The following ERC1 variants were observed in gnomAD, a reference collection of about 807,000 sequenced individuals.
ERC1 encodes RAB6 interacting protein 2.
ERC1 carries 56 observed loss-of-function variants against 132.0 expected under a neutral mutation model. The observed-to-expected ratio is 0.42, with a 90% CI of 0.34 to 0.53. ERC1 has a LOEUF of 0.53. Among genes scored for constraint, ERC1 ranks in the 20% least tolerant of loss-of-function variants. The pLI is 0.03. For missense variants in ERC1, 1,202 were observed against 1,349.9 expected (o/e 0.89, Z 1.72); for synonymous variants, 478 against 476.1 (o/e 1.00, Z -0.05).
chr12:1,238,159 T>TC (rs1446201370), intron 13 of ERC1, among the ~76,000 whole-genome samples: 44 of 126,244 alleles, frequency 3.5e-4, no homozygotes, highest in Non-Finnish European at 6.1e-4. Context: ...CTGTTCTTCC[T>TC]CCTTTTTTTT....
intron 3 of ERC1, among the ~76,000 whole-genome samples, chr12:1,091,699 C>T (rs1235614033): frequency 6.6e-6 from 1 of 152,196 alleles, no homozygotes; most frequent in Non-Finnish European, 1.5e-5. Flanking sequence ...GAAAACCATT[C>T]CACCGTTGAA....
intron 8 of ERC1, among the ~76,000 whole-genome samples, chr12:1,157,772 A>G (rs1156784208): frequency 6.6e-6 from 1 of 152,196 alleles, no homozygotes; most frequent in Non-Finnish European, 1.5e-5. Context: ...CAGATTTTTC[A>G]AATACTGCTG....
chr12:1,261,286 G>A (rs915652234), intron 13 of ERC1, among the ~76,000 whole-genome samples: 9 of 152,150 alleles, frequency 5.9e-5, no homozygotes, highest in Non-Finnish European at 1.2e-4. Flanking sequence ...AGGATAGACC[G>A]CACAAAGACA....
At chr12:1,065,635 G>A (rs543577001) in intron 2 of ERC1, among the ~76,000 whole-genome samples, 1 of 151,518 alleles carries the variant, frequency 6.6e-6, no homozygotes, top group East Asian at 1.9e-4. Context: ...AATTAATTGA[G>A]TTTCTTTTGA....
intron 18 of ERC1, among the ~76,000 whole-genome samples, chr12:1,447,303 A>T (rs1236805523): frequency 6.6e-6 from 1 of 152,084 alleles, no homozygotes; most frequent in Non-Finnish European, 1.5e-5. Flanking sequence ...GAATCCCTTG[A>T]GCCCAGGAGT....
chr12:1,117,009 G>A (rs779526311), intron 7 of ERC1, among the ~76,000 whole-genome samples: 1 of 152,134 alleles, frequency 6.6e-6, no homozygotes, highest in Non-Finnish European at 1.5e-5. Context: ...ATCCCAGATC[G>A]ATTCTTATCT....
At chr12:1,111,176 C>T (rs933073050) in intron 5 of ERC1, among the ~76,000 whole-genome samples, 1 of 152,096 alleles carries the variant, frequency 6.6e-6, no homozygotes, top group Non-Finnish European at 1.5e-5. Flanking sequence ...TTGATACCAC[C>T]AAGACCTATC....
chr12:1,480,890 A>G (rs2094076789), intron 18 of ERC1: 1 of 702,420 alleles, frequency 1.4e-6, no homozygotes, highest in Non-Finnish European at 2.6e-6. Flanking sequence ...TTTTCATGTG[A>G]TGCTCATGGT....
intron 3 of ERC1, among the ~76,000 whole-genome samples, chr12:1,101,951 ATAAAGTTACTCTGTGGAT>A (rs1944713041): frequency 6.6e-6 from 1 of 152,186 alleles, no homozygotes; most frequent in South Asian, 2.1e-4. Flanking sequence ...TCTAATTCGC[ATAAAGTTACTCTGTGGAT>A]TAGTGAAGGC....
At chr12:1,330,841 TTC>T (rs528934602) in intron 15 of ERC1, among the ~76,000 whole-genome samples, 54 of 152,340 alleles carry the variant, frequency 3.5e-4, no homozygotes, top group African/African-American at 1.2e-3. Flanking sequence ...TTAATTTATC[TTC>T]TCTTTTTTAT....
intron 15 of ERC1, among the ~76,000 whole-genome samples, chr12:1,304,779 CTTTTTTTTT>C (rs1186965322): frequency 0.021 from 1,481 of 69,972 alleles, 21 homozygotes; most frequent in African/African-American, 0.068. Flanking sequence ...TGTTGTAACT[CTTTTTTTTT>C]TTTTTTTTTT....
chr12:1,122,920 A>T (rs1947742183), intron 7 of ERC1, among the ~76,000 whole-genome samples: 1 of 152,040 alleles, frequency 6.6e-6, no homozygotes, highest in South Asian at 2.1e-4. Context: ...CCCTTTCAGC[A>T]TCCTCTCTAT....
chr12:1,401,155 C>G (rs1030075881), intron 16 of ERC1, among the ~76,000 whole-genome samples: 2 of 151,702 alleles, frequency 1.3e-5, no homozygotes, highest in African/African-American at 4.8e-5. Flanking sequence ...AGGATGGTCT[C>G]CATCTCCTGA....
chr12:1,426,450 C>G (rs748914019), intron 17 of ERC1, among the ~76,000 whole-genome samples: 8 of 152,130 alleles, frequency 5.3e-5, no homozygotes, highest in Admixed American at 1.3e-4. Flanking sequence ...TCAATAGGAG[C>G]AGGGTGTAGT....
intron 8 of ERC1, among the ~76,000 whole-genome samples, chr12:1,155,422 A>T (rs974195727): frequency 2.4e-4 from 37 of 152,088 alleles, no homozygotes; most frequent in African/African-American, 8.4e-4. Flanking sequence ...GACATCTATG[A>T]TATGGAATCA....
intron 12 of ERC1, among the ~76,000 whole-genome samples, chr12:1,190,561 C>T (rs1955617200): frequency 6.6e-6 from 1 of 152,156 alleles, no homozygotes; most frequent in Non-Finnish European, 1.5e-5. Flanking sequence ...ACTTTGAGGA[C>T]AATTTAGGAG....
chr12:1,019,859 A>C (rs1966077502), intron 1 of ERC1, among the ~76,000 whole-genome samples: 1 of 151,972 alleles, frequency 6.6e-6, no homozygotes, highest in African/African-American at 2.4e-5. Context: ...TTCCTGCCTC[A>C]GCTTCCTGAG....
At chr12:1,217,006 T>C (rs1436868387) in intron 12 of ERC1, among the ~76,000 whole-genome samples, 1 of 152,194 alleles carries the variant, frequency 6.6e-6, no homozygotes, top group Non-Finnish European at 1.5e-5. Context: ...TTTGATACAG[T>C]GATAAAAATT....
chr12:1,333,128 G>T (rs1222260778), intron 15 of ERC1, among the ~76,000 whole-genome samples: 2 of 150,226 alleles, frequency 1.3e-5, no homozygotes, highest in African/African-American at 5.0e-5. Flanking sequence ...TTAGGCGCCA[G>T]TGGCTGTTGT....
Sources: allele counts gnomAD v4.1 joint callset (sites outside exome capture counted in the v4.1 genomes callset), GRCh38; gene constraint gnomAD v4.1.1; transcripts MANE v1.5; gene names NCBI Gene and HGNC (gene_info 2026-07-23, HGNC 2026-07-21).